Variants in SLC14A2 observed in about 807,000 individuals in gnomAD.
SLC14A2 encodes the protein solute carrier family 14 member 2, also known as urea transporter 2.
SLC14A2 carries 91 observed loss-of-function variants against 104.6 expected under a neutral mutation model. The observed-to-expected ratio is 0.87, with a 90% confidence interval of 0.73 to 1.04. The LOEUF (loss-of-function observed/expected upper bound fraction) is 1.04. Ranked by LOEUF, SLC14A2 falls within the 50% of genes least tolerant of loss-of-function variation. The probability of loss-of-function intolerance (pLI) is 0.00; values close to 1 mark genes in which losing one functional copy is unlikely to be tolerated. For synonymous variants in SLC14A2, 476 were observed against 466.4 expected, an observed-to-expected ratio of 1.02 and a Z score of -0.27; for missense variants, 1,189 against 1,156.0, an observed-to-expected ratio of 1.03 and a Z score of -0.41.
the SLC14A2 span, among the ~76,000 whole-genome samples, chr18:45,192,754 T>A: frequency 6.6e-6 from 1 of 152,066 alleles, no homozygotes; most frequent in Admixed American, 6.6e-5. Flanking sequence ...CCTCCCAGGT[T>A]CAAGCAATTC....
intron 1 of SLC14A2, among the ~76,000 whole-genome samples, chr18:45,230,721 C>G (rs2084166660): frequency 6.6e-6 from 1 of 152,116 alleles, no homozygotes; most frequent in Non-Finnish European, 1.5e-5. Context: ...CTTCTTTTTC[C>G]CCTTAAGTAT....
rs1402545308 is a variant in SLC14A2 at position 45,593,161 on chromosome 18, C to CA, written c.-34-31470_-34-31469insA. Among the ~76,000 whole-genome samples the CA allele has an allele frequency of 7.8e-4, 118 of 152,020 alleles. 1 individual carries two copies. The highest frequency in any genetic ancestry group is 2.7e-3 in the African/African-American group (112 of 41,490). The stretch of plus-strand genomic sequence containing the variant: ...TGAAACCCCATCTCTACTAAAAATA[C>CA]GAAAAAATTAGCCGGGCGTGGTGGC... On this transcript the variant is annotated intron_variant, in intron 2 of 20. Transcript: ENST00000586448.
intron 1 of SLC14A2, among the ~76,000 whole-genome samples, chr18:45,276,695 A>G (rs2084706402): frequency 6.6e-6 from 1 of 152,252 alleles, no homozygotes. Context: ...ATTCCTAAGC[A>G]CAGATTGGTG....
chr18:45,451,648 G>A (rs528517153), intron 1 of SLC14A2, among the ~76,000 whole-genome samples: 63 of 148,854 alleles, frequency 4.2e-4, no homozygotes, highest in Non-Finnish European at 7.9e-4. Flanking sequence ...TCTTATTCAC[G>A]TTCACATTAC....
At chr18:45,200,815 C>T in the SLC14A2 span, among the ~76,000 whole-genome samples, 1 of 152,020 alleles carries the variant, frequency 6.6e-6, no homozygotes, top group African/African-American at 2.4e-5. Flanking sequence ...AGTTAGACCT[C>T]CAAAATACCC....
intron 6 of SLC14A2, among the ~76,000 whole-genome samples, chr18:45,638,526 C>CT (rs2045463109): frequency 2.0e-5 from 3 of 152,164 alleles, no homozygotes; most frequent in African/African-American, 7.2e-5. Context: ...AATCTCCCAT[C>CT]GCACACTAGA....
Position 45,631,355 on chromosome 18 carries a change from C to T in SLC14A2, c.522-995C>T, listed in dbSNP as rs75219088. Among the ~76,000 whole-genome samples the T allele has an allele frequency of 0.015, 2,349 of 152,296 alleles. 197 individuals carry two copies. In the East Asian group the frequency reaches 0.26, roughly 17 times the overall value. On this transcript the variant is annotated intron_variant, in intron 4 of 19. Coordinates refer to ENST00000255226, the MANE Select transcript of SLC14A2 (RefSeq NM_007163.4). ...CCTTGCATCACAAGCTGCCTATGCC[C>T]CTCCCTCACCCACAGCCTATGCCCC...
chr18:45,229,821 C>T (rs558721556), intron 1 of SLC14A2, among the ~76,000 whole-genome samples: 2 of 152,202 alleles, frequency 1.3e-5, no homozygotes, highest in East Asian at 1.9e-4. Context: ...GTTGCTTCTG[C>T]GTTCCCAGGT....
chr18:45,467,111 G>T lies in SLC14A2; in HGVS notation c.-124-16122G>T, dbSNP rs374504057. Among the ~76,000 whole-genome samples, 3 of 152,242 alleles carry T rather than the reference G, an allele frequency of 2.0e-5. No homozygotes were observed. The South Asian group carries it at 6.2e-4, about 32-fold the overall frequency. On this transcript the variant is annotated intron_variant, in intron 1 of 20. Coordinates refer to the SLC14A2 transcript ENST00000586448. ...CACTCAGTTTGGGGTAGCCAGGGAC[G>T]GCACAGAGCATATGGGACTTGTGAT... is the stretch of plus-strand genomic sequence containing the variant.
intron 1 of SLC14A2, among the ~76,000 whole-genome samples, chr18:45,311,244 A>C (rs1008586017): frequency 5.9e-5 from 9 of 152,236 alleles, no homozygotes; most frequent in Admixed American, 2.0e-4. Context: ...GGAGCTTTGA[A>C]TGCTGAGCGA....
intron 1 of SLC14A2, among the ~76,000 whole-genome samples, chr18:45,460,696 T>G (rs2087029401): frequency 6.6e-6 from 1 of 152,176 alleles, no homozygotes; most frequent in African/African-American, 2.4e-5. Context: ...TTACAATCCC[T>G]CTCTCCTTGG....
At chr18:45,221,136 C>T (rs1169030482) in intron 1 of SLC14A2, among the ~76,000 whole-genome samples, 2 of 152,136 alleles carry the variant, frequency 1.3e-5, no homozygotes, top group Non-Finnish European at 2.9e-5. Flanking sequence ...CACAGTTCAG[C>T]CCATAACAGG....
At chr18:45,444,374 C>A (rs1028897977) in intron 1 of SLC14A2, among the ~76,000 whole-genome samples, 1 of 152,164 alleles carries the variant, frequency 6.6e-6, no homozygotes, top group East Asian at 1.9e-4. Flanking sequence ...ATATTCTGAT[C>A]CTGGCTCAGA....
At chr18:45,367,759 T>C (rs1285861308) in intron 1 of SLC14A2, among the ~76,000 whole-genome samples, 1 of 152,134 alleles carries the variant, frequency 6.6e-6, no homozygotes, top group African/African-American at 2.4e-5. Flanking sequence ...TTGTTGTTGT[T>C]GTTGTTGAGC....
At chr18:45,258,314 G>A (rs984290791) in intron 1 of SLC14A2, among the ~76,000 whole-genome samples, 3 of 142,314 alleles carry the variant, frequency 2.1e-5, no homozygotes, top group African/African-American at 8.3e-5. Context: ...TAACCCAGGA[G>A]CACAGATGCC....
intron 1 of SLC14A2, among the ~76,000 whole-genome samples, chr18:45,362,506 A>T (rs761548530): frequency 9.8e-5 from 15 of 152,330 alleles, no homozygotes; most frequent in Non-Finnish European, 1.6e-4. Flanking sequence ...GGTCTTAGAG[A>T]TGAAGAAATC....
chr18:45,424,905 G>A (rs186817324), intron 1 of SLC14A2, among the ~76,000 whole-genome samples: 2 of 152,212 alleles, frequency 1.3e-5, no homozygotes, highest in Non-Finnish European at 2.9e-5. Flanking sequence ...TTATCCTGCT[G>A]AAGGCCTGTC....
chr18:45,658,132 A>AG (rs2045873341), intron 10 of SLC14A2, among the ~76,000 whole-genome samples: 1 of 152,210 alleles, frequency 6.6e-6, no homozygotes, highest in African/African-American at 2.4e-5. Flanking sequence ...GGGTGTGTCC[A>AG]CAAACAACAG....
chr18:45,232,477 A>G (rs1248533790), intron 1 of SLC14A2, among the ~76,000 whole-genome samples: 1 of 152,242 alleles, frequency 6.6e-6, no homozygotes, highest in Non-Finnish European at 1.5e-5. Context: ...AAGCCATATC[A>G]GGAAGAATCA....
Sources: gnomAD v4.1 joint callset for allele counts (sites outside exome capture counted in the v4.1 genomes callset) on GRCh38, gnomAD v4.1.1 for gene constraint, MANE v1.5 for transcripts, NCBI Gene and HGNC (gene_info 2026-07-23, HGNC 2026-07-21) for gene names.